PPP1R9A: variants seen among roughly 807,000 people sequenced by gnomAD.
PPP1R9A encodes protein phosphatase 1 regulatory subunit 9A, also known as neurabin-1.
PPP1R9A carries 59 observed loss-of-function variants against 141.9 expected under a neutral mutation model. That is an observed-to-expected ratio of 0.42 (90% CI 0.34 to 0.52). The LOEUF (loss-of-function observed/expected upper bound fraction) is 0.52, where lower values mean the gene tolerates loss of function less well. Ranked by LOEUF, PPP1R9A falls within the 20% of genes least tolerant of loss-of-function variation. PPP1R9A has a pLI of 0.10. For missense variants in PPP1R9A, 1,444 were observed against 1,611.9 expected, an observed-to-expected ratio of 0.90 and a Z score of 1.78; for synonymous variants, 500 against 569.7, an observed-to-expected ratio of 0.88 and a Z score of 1.74.
At chr7:94,952,781 C>T (rs1475506296) in intron 2 of PPP1R9A, among the ~76,000 whole-genome samples, 1 of 151,970 alleles carries the variant, frequency 6.6e-6, no homozygotes, top group Non-Finnish European at 1.5e-5. Context: ...TCATATCCTT[C>T]ACCTACTTTT....
At chr7:95,172,272 T>C (rs1473788487) in intron 5 of PPP1R9A, among the ~76,000 whole-genome samples, 2 of 151,680 alleles carry the variant, frequency 1.3e-5, no homozygotes, top group Non-Finnish European at 3.0e-5. Context: ...CAGTAATAAC[T>C]AATTGAAAGC....
chr7:94,923,763 GT>G (rs1375765599), intron 2 of PPP1R9A, among the ~76,000 whole-genome samples: 1 of 152,166 alleles, frequency 6.6e-6, no homozygotes, highest in Non-Finnish European at 1.5e-5. Flanking sequence ...TAATGTTGTA[GT>G]ATATAAATGA....
Position 95,186,559 on chromosome 7 carries a change from T to C in PPP1R9A, c.1755-11790T>C, listed in dbSNP as rs114796195. 8.3e-3 allele frequency among the ~76,000 whole-genome samples: 1,262 copies of C among 152,272 alleles called. 23 individuals carry two copies. Among genetic ancestry groups the C allele is most frequent in the African/African-American group, 0.029 (1,224 of 41,570 alleles). On this transcript the variant is annotated intron_variant, in intron 5 of 19. Coordinates refer to ENST00000433360, the MANE Select transcript of PPP1R9A (RefSeq NM_001166160.2). ...TAGAACTTTTCAGTACTATGTTGAA[T>C]AGAAGTGGTCAAAGTGGGCATCTTT...
rs764731020 is a variant in PPP1R9A at position 95,204,085 on chromosome 7, T to C, written c.1956+355T>C. On this transcript the variant is annotated intron_variant, in intron 7 of 19. Transcript: ENST00000433360. ...CAGTAATAATGCACATAGTGATTTATACTGTCTGTAAATCCAGTACTTTTT... is the reference window on the plus strand; with the variant it reads ...CAGTAATAATGCACATAGTGATTTACACTGTCTGTAAATCCAGTACTTTTT... Among the ~76,000 whole-genome samples, 4 of 152,146 alleles carry C rather than the reference T, an allele frequency of 2.6e-5. 1 individual carries two copies. The highest frequency in any genetic ancestry group is 5.9e-5 in the Non-Finnish European group (4 of 68,040).
intron 2 of PPP1R9A, among the ~76,000 whole-genome samples, chr7:94,983,468 A>G (rs898436506): frequency 1.3e-5 from 2 of 152,108 alleles, no homozygotes; most frequent in Non-Finnish European, 2.9e-5. Context: ...ATGAGCATGG[A>G]ATATTCTTCA....
At chr7:95,206,194 A>G (rs995560193) in intron 7 of PPP1R9A, among the ~76,000 whole-genome samples, 2 of 152,216 alleles carry the variant, frequency 1.3e-5, no homozygotes, top group South Asian at 2.1e-4. Context: ...CATATTTTCT[A>G]TCACAGAAAC....
At chr7:95,251,885 A>T (rs773054494) in intron 11 of PPP1R9A, 27 bp downstream of exon 11, 1 of 1,611,430 alleles carries the variant, frequency 6.2e-7, no homozygotes, top group Admixed American at 1.7e-5. Flanking sequence ...AAGACACTAA[A>T]TAATAAGATG....
intron 18 of PPP1R9A, 28 bp downstream of exon 18, chr7:95,286,353 G>A (rs767576579): frequency 2.8e-5 from 45 of 1,608,584 alleles, no homozygotes; most frequent in Middle Eastern, 1.7e-4. Context: ...TGACAGAGCT[G>A]CTTTGTCAAA....
intron 2 of PPP1R9A, among the ~76,000 whole-genome samples, chr7:95,024,663 T>C (rs35245489): frequency 0.074 from 11,239 of 152,194 alleles, 505 homozygotes; most frequent in East Asian, 0.15. Flanking sequence ...TTTGAGCCTA[T>C]GTGTATCTTA....
At chr7:94,948,783 C>T (rs1172872887) in intron 2 of PPP1R9A, among the ~76,000 whole-genome samples, 1 of 152,082 alleles carries the variant, frequency 6.6e-6, no homozygotes, top group Non-Finnish European at 1.5e-5. Context: ...AAACTTGGGA[C>T]TCCATGGTCT....
In PPP1R9A at chr7:95,252,050, C is replaced by A. The variant is rs1798946236; in HGVS notation, c.2585C>A (p.Ser862Tyr). Residue 862 changes from serine to tyrosine, a missense_variant, in exon 12 of 20, where the codon TCT becomes TAT. Ser to Tyr is a moderately radical substitution (Grantham distance 144). Coordinates refer to ENST00000433360, the MANE Select transcript of PPP1R9A (RefSeq NM_001166160.2). ...NNNNIFERRT[S>Y]LGEVSKGDTM... The stretch of plus-strand genomic sequence containing the variant: ...AACAACATCTTTGAGAGAAGAACAT[C>A]TCTTGGTGAAGTCTCTAAAGGGGAT... 6.2e-7 allele frequency: 1 copy of A among 1,613,540 alleles called. No individual in the cohort carries two copies. The highest frequency in any genetic ancestry group is 2.2e-5 in the East Asian group (1 of 44,822).
Position 95,296,108 on chromosome 7 carries a change from A to T in PPP1R9A, c.*5805A>T, listed in dbSNP as rs1392348235. ...GGATAGCATGTTACCTAAGCTTTTAATTTGTACATTTTGATGTCTGATCAT... is the reference window on the plus strand; with the variant it reads ...GGATAGCATGTTACCTAAGCTTTTATTTTGTACATTTTGATGTCTGATCAT... On this transcript the variant is annotated 3_prime_UTR_variant, in exon 20 of 20. Transcript: ENST00000433360. The T allele has an allele frequency of 6.6e-6, 1 of 152,604 alleles. No homozygotes were observed. The highest frequency in any genetic ancestry group is 2.4e-5 in the African/African-American group (1 of 41,440). The allele number at this position is 152,604 out of a possible 1,614,324, so 9.5% of individuals were successfully genotyped here.
At chr7:95,116,771 T>C (rs1821598319) in intron 3 of PPP1R9A, among the ~76,000 whole-genome samples, 1 of 152,192 alleles carries the variant, frequency 6.6e-6, no homozygotes, top group Non-Finnish European at 1.5e-5. Context: ...CTAAATATAA[T>C]GTAAAGCTTT....
chr7:95,160,739 A>G (rs1830359980), intron 4 of PPP1R9A, among the ~76,000 whole-genome samples: 1 of 151,922 alleles, frequency 6.6e-6, no homozygotes, highest in Admixed American at 6.6e-5. Flanking sequence ...ATGAGTTCCC[A>G]ATGTTTAACT....
At chr7:95,052,078 G>C (rs191288767) in intron 2 of PPP1R9A, among the ~76,000 whole-genome samples, 8 of 152,166 alleles carry the variant, frequency 5.3e-5, no homozygotes, top group Non-Finnish European at 7.4e-5. Context: ...GACCTCAAGT[G>C]ATTCACCTGT....
chr7:94,971,811 A>G (rs1798886930), intron 2 of PPP1R9A, among the ~76,000 whole-genome samples: 1 of 152,236 alleles, frequency 6.6e-6, no homozygotes, highest in African/African-American at 2.4e-5. Context: ...GAAGACAAAT[A>G]CATTGAACTT....
At chr7:95,227,470 C>T (rs149015047) in intron 8 of PPP1R9A, among the ~76,000 whole-genome samples, 2 of 152,288 alleles carry the variant, frequency 1.3e-5, no homozygotes, top group South Asian at 2.1e-4. Context: ...TAAGCATGCA[C>T]CATTGTGTAG....
At chr7:95,038,456 G>A (rs1808759274) in intron 2 of PPP1R9A, among the ~76,000 whole-genome samples, 1 of 152,152 alleles carries the variant, frequency 6.6e-6, no homozygotes. Flanking sequence ...GTTTCTCACA[G>A]ATGATCTGAG....
intron 2 of PPP1R9A, among the ~76,000 whole-genome samples, chr7:95,079,297 T>G (rs1001175915): frequency 3.3e-5 from 5 of 152,166 alleles, no homozygotes; most frequent in African/African-American, 1.2e-4. Flanking sequence ...GTTGTAGATA[T>G]GCGGCATTAT....
Sources: allele counts gnomAD v4.1 joint callset (sites outside exome capture counted in the v4.1 genomes callset), GRCh38; gene constraint gnomAD v4.1.1; transcripts MANE v1.5; gene names NCBI Gene and HGNC (gene_info 2026-07-23, HGNC 2026-07-21).